The following CECR2 variants were observed in gnomAD, a reference collection of about 807,000 sequenced individuals.
The protein encoded by CECR2 is chromatin remodeling regulator CECR2.
Under a neutral mutation model 154.5 loss-of-function variants are expected in CECR2, and 30 were observed. The observed-to-expected ratio is 0.19, with a 90% CI of 0.15 to 0.26. CECR2 has a LOEUF of 0.26. Among genes scored for constraint, CECR2 ranks in the 10% least tolerant of loss-of-function variants. The pLI, the probability that CECR2 is intolerant of heterozygous loss-of-function variation, is 1.00. For missense variants in CECR2, 1,743 were observed against 1,829.3 expected, an observed-to-expected ratio of 0.95 and a Z score of 0.86; for synonymous variants, 725 against 683.7, an observed-to-expected ratio of 1.06 and a Z score of -0.94.
chr22:17,463,751 G>A (rs551108523), intron 1 of CECR2, among the ~76,000 whole-genome samples: 1 of 152,016 alleles, frequency 6.6e-6, no homozygotes, highest in African/African-American at 2.4e-5. Context: ...GAGGAGAGGT[G>A]GGGGGGTGTA....
intron 1 of CECR2, among the ~76,000 whole-genome samples, chr22:17,431,473 A>G (rs77460065): frequency 3.3e-5 from 5 of 152,334 alleles, no homozygotes; most frequent in Admixed American, 6.5e-5. Flanking sequence ...TTCAAAACAT[A>G]TATTTTGTTT....
At chr22:17,452,737 G>T (rs932963110) in intron 1 of CECR2, among the ~76,000 whole-genome samples, 5 of 152,068 alleles carry the variant, frequency 3.3e-5, no homozygotes, top group Admixed American at 1.3e-4. Context: ...GTAGGAAGCT[G>T]GGTATATACA....
chr22:17,436,315 G>A (rs1003666990), intron 1 of CECR2, among the ~76,000 whole-genome samples: 1 of 152,136 alleles, frequency 6.6e-6, no homozygotes, highest in African/African-American at 2.4e-5. Context: ...TACAGCCCAA[G>A]CTTAATTCAA....
chr22:17,367,884 T>G (rs755038102), upstream of CECR2, among the ~76,000 whole-genome samples: 17 of 152,206 alleles, frequency 1.1e-4, no homozygotes, highest in Non-Finnish European at 1.8e-4. Flanking sequence ...CTTGGCTTTT[T>G]GGGAGCAGTC....
intron 8 of CECR2, among the ~76,000 whole-genome samples, chr22:17,523,010 GAAAA>G (rs386819558): frequency 0.13 from 19,238 of 145,692 alleles, 1,665 homozygotes; most frequent in Non-Finnish European, 0.2. Flanking sequence ...ATCTCGGGGG[GAAAA>G]AAAAAAGCCT....
chr22:17,381,503 C>G (rs1473907458), intron 1 of CECR2, among the ~76,000 whole-genome samples: 1 of 152,138 alleles, frequency 6.6e-6, no homozygotes, highest in East Asian at 1.9e-4. Flanking sequence ...ATCTTCCTTA[C>G]CCCTGACTCC....
intron 2 of CECR2, among the ~76,000 whole-genome samples, chr22:17,487,534 C>T (rs1412276903): frequency 6.6e-6 from 1 of 152,102 alleles, no homozygotes; most frequent in Non-Finnish European, 1.5e-5. Flanking sequence ...CCCGTCTGTA[C>T]TTAAAAAATA....
rs1417161013 is a variant in CECR2, at chr22:17,501,402, C to CA, written c.650+673dup. ...TGAAACCCCGTCTCTACTAAAAATA[C>CA]AAAAAATTAGCCAGTCGTGGTGGCG... On this transcript the variant is annotated intron_variant, in intron 5 of 18. Coordinates refer to ENST00000262608, the MANE Select transcript of CECR2 (RefSeq NM_001290047.2). Among the ~76,000 whole-genome samples the CA allele has an allele frequency of 1.5e-4, 23 of 152,136 alleles. No homozygotes were observed. In the East Asian group the frequency reaches 4.1e-3, roughly 27 times the overall value.
chr22:17,361,836 T>G (rs959059783), intron 1 of CECR2, among the ~76,000 whole-genome samples: 15 of 151,976 alleles, frequency 9.9e-5, no homozygotes, highest in Non-Finnish European at 1.5e-4. Flanking sequence ...CCACAAGCAT[T>G]TATTATGATC....
In CECR2 at chr22:17,537,152, T is replaced by C; in HGVS notation, c.1158T>C (p.Ala386=). Residue 386 remains alanine (A), a synonymous_variant, in exon 10 of 19, where the codon GCT becomes GCC. Coordinates refer to ENST00000262608, the MANE Select transcript of CECR2 (RefSeq NM_001290047.2). ...GGGAAGAAAGGGCATGGCTGCTGGCTCAAGGAAAGGAGCTCCCTCCAGAAC... is the reference window on the plus strand; with the variant it reads ...GGGAAGAAAGGGCATGGCTGCTGGCCCAAGGAAAGGAGCTCCCTCCAGAAC... ...KLREERAWLL[A]QGKELPPELS... is the part of the protein sequence containing the mutation. 2 of 1,613,908 alleles carry C rather than the reference T, an allele frequency of 1.2e-6. No individual in the cohort carries two copies. The highest frequency in any genetic ancestry group is 1.7e-6 in the Non-Finnish European group (2 of 1,179,870).
At chr22:17,492,011 C>G (rs958374611) in intron 2 of CECR2, among the ~76,000 whole-genome samples, 5 of 152,160 alleles carry the variant, frequency 3.3e-5, no homozygotes, top group African/African-American at 1.2e-4. Context: ...ATTATTTTGG[C>G]CTGGTCTTTT....
intron 3 of CECR2, among the ~76,000 whole-genome samples, chr22:17,499,058 T>C (rs9617587): frequency 0.69 from 104,729 of 151,846 alleles, 36,302 homozygotes; most frequent in Middle Eastern, 0.8. Context: ...GGCATGATCT[T>C]GGCTCACTGC....
chr22:17,547,839 G>A (rs905455599), intron 16 of CECR2, among the ~76,000 whole-genome samples: 19 of 152,072 alleles, frequency 1.2e-4, no homozygotes, highest in African/African-American at 4.3e-4. Context: ...CCTAGAGTCC[G>A]TGAGCCACAA....
chr22:17,496,497 CTCAAAAAAAAAAAGAAAGAAAGAAAAA>C (rs2055631013), intron 2 of CECR2, among the ~76,000 whole-genome samples: 1 of 147,824 alleles, frequency 6.8e-6, no homozygotes, highest in Non-Finnish European at 1.5e-5. Context: ...GAGACTCTGT[CTCAAAAAAAAAAAGAAAGAAAGAAAAA>C]TCAAAGAAAA....
intron 1 of CECR2, among the ~76,000 whole-genome samples, chr22:17,475,750 G>A (rs1305189752): frequency 1.3e-5 from 2 of 152,136 alleles, no homozygotes; most frequent in African/African-American, 4.8e-5. Context: ...GGCTTGCCCA[G>A]TGCCCAGCTT....
chr22:17,541,619 T>C (rs1041250278), intron 14 of CECR2, among the ~76,000 whole-genome samples: 2 of 152,144 alleles, frequency 1.3e-5, no homozygotes, highest in Non-Finnish European at 2.9e-5. Flanking sequence ...TGAGAAACAC[T>C]GATTTAATCT....
chr22:17,453,391 G>A (rs2054802953), intron 1 of CECR2, among the ~76,000 whole-genome samples: 2 of 152,242 alleles, frequency 1.3e-5, no homozygotes, highest in African/African-American at 2.4e-5. Flanking sequence ...GTGGTGAGTC[G>A]AGATTGCGCC....
chr22:17,393,357 C>T (rs1206630747), intron 1 of CECR2, among the ~76,000 whole-genome samples: 1 of 152,038 alleles, frequency 6.6e-6, no homozygotes. Context: ...TATATAATTC[C>T]TTTTTATAGC....
At chr22:17,529,246 A>C (rs1363436914) in intron 9 of CECR2, among the ~76,000 whole-genome samples, 2 of 152,152 alleles carry the variant, frequency 1.3e-5, no homozygotes, top group African/African-American at 4.8e-5. Context: ...GCGAGGCTGC[A>C]GCGGAGGGGA....
Sources: allele counts gnomAD v4.1 joint callset (sites outside exome capture counted in the v4.1 genomes callset), GRCh38; gene constraint gnomAD v4.1.1; transcripts MANE v1.5; gene names NCBI Gene and HGNC (gene_info 2026-07-23, HGNC 2026-07-21).